RFWD3: variants seen among roughly 807,000 people sequenced by gnomAD.
RFWD3 encodes ring finger and WD repeat domain 3, also known as E3 ubiquitin-protein ligase RFWD3.
Under a neutral mutation model 87.7 loss-of-function variants are expected in RFWD3, and 65 were observed. The observed-to-expected ratio is 0.74, with a 90% confidence interval of 0.61 to 0.91. The LOEUF is 0.91. RFWD3 is among the 40% of genes least tolerant of loss of function. The pLI, the probability that RFWD3 is intolerant of heterozygous loss-of-function variation, is 0.00. For synonymous variants in RFWD3, 433 were observed against 352.8 expected, an observed-to-expected ratio of 1.23 and a Z score of -2.55; for missense variants, 1,078 against 938.5, an observed-to-expected ratio of 1.15 and a Z score of -1.94.
chr16:74,631,275 G>A (rs1182143381), intron 9 of RFWD3, among the ~76,000 whole-genome samples: 1 of 152,174 alleles, frequency 6.6e-6, no homozygotes, highest in East Asian at 1.9e-4. Context: ...CTTGAGGTCA[G>A]GAGTTTGAGA....
Position 74,621,633 on chromosome 16 carries a change from C to T in RFWD3, c.*2295G>A, listed in dbSNP as rs1157013855. The T allele has an allele frequency of 6.6e-6, 1 of 151,680 alleles. No homozygotes were observed. The highest frequency in any genetic ancestry group is 2.4e-5 in the African/African-American group (1 of 41,228). The allele number at this position is 151,680 out of a possible 1,614,324, so 9.4% of individuals were successfully genotyped here. A position where few individuals can be genotyped will look rare whatever the true frequency, so the allele number is the denominator to read the frequency against. On this transcript the variant is annotated 3_prime_UTR_variant, in exon 13 of 13. Transcript: ENST00000361070. The stretch of plus-strand genomic sequence containing the variant: ...ACTGGTGGAGCCCAGAAGACTAAAG[C>T]CTGGATTTATAAATGTGATGTCCTA...
At chr16:74,624,377 T>C (rs1320082771) in intron 12 of RFWD3, among the ~76,000 whole-genome samples, 1 of 152,186 alleles carries the variant, frequency 6.6e-6, no homozygotes, top group African/African-American at 2.4e-5. Context: ...AAAGTCCCTG[T>C]CTTTGCCCTC....
At chr16:74,652,813 A>C (rs757795659) in intron 2 of RFWD3, among the ~76,000 whole-genome samples, 6 of 152,186 alleles carry the variant, frequency 3.9e-5, no homozygotes, top group Non-Finnish European at 7.3e-5. Context: ...GTTTGAGCTG[A>C]GGAGTTTGAG....
intron 6 of RFWD3, among the ~76,000 whole-genome samples, chr16:74,643,371 A>G (rs977220877): frequency 5.3e-5 from 8 of 152,196 alleles, no homozygotes; most frequent in African/African-American, 1.9e-4. Flanking sequence ...TATTCTGTTC[A>G]TGCATACACC....
intron 6 of RFWD3, among the ~76,000 whole-genome samples, chr16:74,640,267 T>A (rs755894602): frequency 3.3e-5 from 5 of 151,754 alleles, no homozygotes; most frequent in Non-Finnish European, 5.9e-5. Flanking sequence ...TGACTCAGCA[T>A]CCTGAGTAGC....
chr16:74,657,279 T>C (rs1458715013), intron 2 of RFWD3, among the ~76,000 whole-genome samples: 1 of 152,206 alleles, frequency 6.6e-6, no homozygotes, highest in Non-Finnish European at 1.5e-5. Context: ...GAATAAGGAA[T>C]GCCATAGAGC....
Position 74,623,648 on chromosome 16 carries a change from T to C in RFWD3, c.*280A>G, listed in dbSNP as rs1002822023. ...AAAGTCACACAGAAAATAAAGAAAA[T>C]AAGAATTTCCAACATACAATAATGG... On this transcript the variant is annotated 3_prime_UTR_variant, in exon 13 of 13. Transcript: ENST00000361070. 8 of 281,474 alleles carry C rather than the reference T, an allele frequency of 2.8e-5. No individual in the cohort carries two copies. The highest frequency in any genetic ancestry group is 2.6e-4 in the Admixed American group (5 of 19,390). 17.4% of individuals were successfully genotyped at this position (281,474 alleles called of 1,614,324 possible).
chr16:74,643,669 G>GT (rs35397997), intron 6 of RFWD3, among the ~76,000 whole-genome samples: 9 of 105,054 alleles, frequency 8.6e-5, no homozygotes, highest in Non-Finnish European at 5.6e-5. Context: ...ACTAGCAACT[G>GT]TTTTTTTTTT....
At chr16:74,650,535 T>G (rs577872028) in intron 3 of RFWD3, among the ~76,000 whole-genome samples, 1 of 152,230 alleles carries the variant, frequency 6.6e-6, no homozygotes, top group South Asian at 2.1e-4. Flanking sequence ...GTCCCTGTAT[T>G]AAAAGGAATC....
At chr16:74,635,214 T>G (rs1257479864) in intron 8 of RFWD3, among the ~76,000 whole-genome samples, 1 of 151,702 alleles carries the variant, frequency 6.6e-6, no homozygotes, top group Non-Finnish European at 1.5e-5. Context: ...GAGGTGGAGC[T>G]TGCAGTGAGC....
chr16:74,629,343 T>G (rs1477386124), intron 10 of RFWD3, among the ~76,000 whole-genome samples: 3 of 152,230 alleles, frequency 2.0e-5, no homozygotes, highest in Non-Finnish European at 4.4e-5. Context: ...CATACAAATA[T>G]TCTTTCCTTG....
chr16:74,630,459 C>T (rs1297426518), intron 10 of RFWD3, among the ~76,000 whole-genome samples: 2 of 152,132 alleles, frequency 1.3e-5, no homozygotes, highest in Non-Finnish European at 1.5e-5. Flanking sequence ...TCACAGTGGG[C>T]CAAGAAAATA....
At position 74,640,483 on chromosome 16, in the gene RFWD3, T is replaced by G. The variant is rs565278049; in HGVS notation, c.1080-2513A>C. 2.0e-5 allele frequency among the ~76,000 whole-genome samples: 3 copies of G among 152,114 alleles called. No homozygotes were observed. The South Asian group carries it at 6.2e-4, about 32-fold the overall frequency. On this transcript the variant is annotated intron_variant, in intron 6 of 12. Transcript: ENST00000361070. ...GGATAGAAGTAGCAATGAAAATTTG[T>G]ACAGAAAAATATACTATTTAGTAAA... is the stretch of plus-strand genomic sequence containing the variant.
chr16:74,633,879 G>A (rs1229524935), intron 8 of RFWD3, among the ~76,000 whole-genome samples: 1 of 152,000 alleles, frequency 6.6e-6, no homozygotes, highest in African/African-American at 2.4e-5. Context: ...GAGCCCAGGA[G>A]GCGGAGGTTG....
At chr16:74,655,098 A>G (rs1960861010) in intron 2 of RFWD3, among the ~76,000 whole-genome samples, 3 of 152,240 alleles carry the variant, frequency 2.0e-5, no homozygotes, top group Admixed American at 2.0e-4. Context: ...AAAGATTCTC[A>G]GTGTAGATGA....
At chr16:74,654,604 G>A (rs1421003175) in intron 2 of RFWD3, among the ~76,000 whole-genome samples, 1 of 152,138 alleles carries the variant, frequency 6.6e-6, no homozygotes, top group East Asian at 1.9e-4. Context: ...ATTAAGGGAA[G>A]AGTCAGGCAT....
rs1342883880 is a variant in RFWD3, at chr16:74,622,020, A to G, written c.*1908T>C. On this transcript the variant is annotated 3_prime_UTR_variant, in exon 13 of 13. Coordinates refer to ENST00000361070, the MANE Select transcript of RFWD3 (RefSeq NM_018124.4). ...AGGACTGGTAAGACTTAAGATTCAC[A>G]TAACGTCCCTCATAGTTAAGTCTCT... 6.6e-6 allele frequency: 1 copy of G among 152,212 alleles called. No individual in the cohort carries two copies. Among genetic ancestry groups the G allele is most frequent in the Non-Finnish European group, 1.5e-5 (1 of 68,042 alleles). The allele number at this position is 152,212 out of a possible 1,614,324, so 9.4% of individuals were successfully genotyped here.
rs4888265 is a variant in RFWD3, at chr16:74,649,839, T to G, written c.722-637A>C. 2.0e-5 allele frequency among the ~76,000 whole-genome samples: 3 copies of G among 152,154 alleles called. No homozygotes were observed. The East Asian group carries it at 5.8e-4, about 29-fold the overall frequency. ...CCATTTTTTTCCCCTCTGTTTGTCATTGATTTGTCAGGTCATTTGTCTAAT... is the reference window on the plus strand; with the variant it reads ...CCATTTTTTTCCCCTCTGTTTGTCAGTGATTTGTCAGGTCATTTGTCTAAT... On this transcript the variant is annotated intron_variant, in intron 3 of 12. Coordinates refer to ENST00000361070, the MANE Select transcript of RFWD3 (RefSeq NM_018124.4).
chr16:74,634,707 A>C (rs895690098), intron 8 of RFWD3, among the ~76,000 whole-genome samples: 2 of 152,100 alleles, frequency 1.3e-5, no homozygotes, highest in Non-Finnish European at 1.5e-5. Context: ...TTCTTTAAAA[A>C]TACGTCAAAT....
Sources: gnomAD v4.1 joint callset for allele counts (sites outside exome capture counted in the v4.1 genomes callset) on GRCh38, gnomAD v4.1.1 for gene constraint, MANE v1.5 for transcripts, NCBI Gene and HGNC (gene_info 2026-07-23, HGNC 2026-07-21) for gene names.